The following HECTD4 variants were observed in gnomAD, a reference collection of about 807,000 sequenced individuals.
HECTD4 encodes the protein probable E3 ubiquitin-protein ligase HECTD4.
HECTD4 carries 114 observed loss-of-function variants against 471.5 expected under a neutral mutation model. The ratio of observed to expected loss-of-function variants is 0.24; its 90% CI spans 0.21 to 0.28. The LOEUF (loss-of-function observed/expected upper bound fraction) is 0.28, where lower values mean the gene tolerates loss of function less well. HECTD4 is among the 10% of genes least tolerant of loss of function. The probability of loss-of-function intolerance (pLI) is 1.00; values close to 1 mark genes in which losing one functional copy is unlikely to be tolerated. For missense variants in HECTD4, 3,866 were observed against 5,651.5 expected (o/e 0.68, Z 10.13); for synonymous variants, 2,012 against 2,256.0 (o/e 0.89, Z 3.07).
rs748251023 is a variant in HECTD4 at position 112,163,191 on chromosome 12, A to G, written c.12971T>C (p.Met4324Thr). 1.9e-6 allele frequency: 3 copies of G among 1,613,820 alleles called. No homozygotes were observed. The highest frequency in any genetic ancestry group is 2.5e-6 in the Non-Finnish European group (3 of 1,179,862). The stretch of plus-strand genomic sequence containing the variant: ...CTTGCACAGCTCCTCCTGGGTGAAC[A>G]TCTCCAGGGCCCCCCAGAAGAACTC... Reference protein sequence around the residue: ...HIEFFWGALEMFTQEELCKFI... With the variant: ...HIEFFWGALETFTQEELCKFI... Residue 4324 changes from methionine (M) to threonine (T), a missense_variant, in exon 75 of 76, where the codon ATG (methionine) becomes ACG (threonine). By Grantham distance (81) the Met-to-Thr change is moderately conservative. This residue lies in a region of HECTD4 where 715 missense variants were observed against 1,087.6 expected (regional missense o/e 0.66). Coordinates refer to ENST00000682272, the MANE Select transcript of HECTD4 (RefSeq NM_001388303.1). The surrounding 1 kb of genome is among the most constrained non-coding windows in gnomAD (Gnocchi z 8.2).
chr12:112,357,791 C>G (rs12228322), intron 1 of HECTD4, among the ~76,000 whole-genome samples: 1 of 152,176 alleles, frequency 6.6e-6, no homozygotes, highest in African/African-American at 2.4e-5. Flanking sequence ...TTACAAAATG[C>G]TAATGTATGG....
intron 50 of HECTD4, among the ~76,000 whole-genome samples, chr12:112,208,893 CTTTTTT>C (rs756330403): frequency 2.8e-5 from 2 of 72,456 alleles, no homozygotes; most frequent in African/African-American, 1.2e-4. Context: ...ACTAAACAGG[CTTTTTT>C]TTTTTTTTTT....
At chr12:112,309,808 A>C in intron 4 of HECTD4, 139 bp from the exon 5 acceptor site, 1 of 516,188 alleles carries the variant, frequency 1.9e-6, no homozygotes. Context: ...CTTCAATGTG[A>C]CTTTCAGGGA....
At chr12:112,314,414 G>T in intron 3 of HECTD4, 43 bp downstream of exon 3, 1 of 973,308 alleles carries the variant, frequency 1.0e-6, no homozygotes, top group Non-Finnish European at 1.6e-6. Flanking sequence ...GCACAAATCT[G>T]CCTAGTTTGG....
chr12:112,314,107 C>G (rs1338063096), intron 3 of HECTD4, among the ~76,000 whole-genome samples: 1 of 151,974 alleles, frequency 6.6e-6, no homozygotes, highest in Non-Finnish European at 1.5e-5. Flanking sequence ...GGTGTGATCT[C>G]GACTTACTGT....
chr12:112,195,701 A>C (rs779584765), intron 55 of HECTD4, among the ~76,000 whole-genome samples: 1 of 152,232 alleles, frequency 6.6e-6, no homozygotes, highest in Non-Finnish European at 1.5e-5. Context: ...AACTTTGTGA[A>C]TATAATAAAA....
intron 68 of HECTD4, 43 bp from the exon 69 acceptor site, chr12:112,170,495 C>T (rs999910166): frequency 1.9e-6 from 3 of 1,602,982 alleles, no homozygotes; most frequent in Non-Finnish European, 2.6e-6. Context: ...GGGCTTTGTC[C>T]CTTCCTTCCC....
At chr12:112,187,683 G>A (rs1016995368) in intron 60 of HECTD4, among the ~76,000 whole-genome samples, 9 of 133,048 alleles carry the variant, frequency 6.8e-5, no homozygotes, top group African/African-American at 2.1e-4. Flanking sequence ...CTGGAGTGCC[G>A]TGGTGCCATC....
chr12:112,297,735 T>C (rs1208356884), intron 7 of HECTD4, among the ~76,000 whole-genome samples: 2 of 152,148 alleles, frequency 1.3e-5, no homozygotes, highest in Non-Finnish European at 2.9e-5. Flanking sequence ...AGAAGTCTAA[T>C]ATTCTGTGCA....
chr12:112,259,084 G>T (rs779699991), intron 19 of HECTD4, 28 bp downstream of exon 19: 2 of 1,572,722 alleles, frequency 1.3e-6, no homozygotes, highest in Non-Finnish European at 1.7e-6. Context: ...CCAAAAAGCA[G>T]TTCACTTTGG....
chr12:112,208,122 T>C (rs910879079), intron 51 of HECTD4, 122 bp from the exon 52 acceptor site: 2 of 1,158,972 alleles, frequency 1.7e-6, no homozygotes, highest in African/African-American at 1.6e-5. Flanking sequence ...AATAGAAAGA[T>C]CAGACATAGA....
At chr12:112,334,751 AG>A (rs1271954955) in intron 1 of HECTD4, among the ~76,000 whole-genome samples, 1 of 150,420 alleles carries the variant, frequency 6.6e-6, no homozygotes, top group Non-Finnish European at 1.5e-5. Context: ...GAGAGGTTGC[AG>A]TGAGGAGAGA....
intron 55 of HECTD4, among the ~76,000 whole-genome samples, chr12:112,196,751 T>C (rs756443484): frequency 7.9e-5 from 12 of 152,180 alleles, no homozygotes; most frequent in Non-Finnish European, 1.5e-4. Flanking sequence ...CCACTGCTCC[T>C]AGCTAATTTT....
chr12:112,355,619 G>C (rs1312935002), intron 1 of HECTD4, among the ~76,000 whole-genome samples: 1 of 150,794 alleles, frequency 6.6e-6, no homozygotes, highest in Non-Finnish European at 1.5e-5. Context: ...AATTAGCTGG[G>C]CGTGGTGGCA....
Position 112,164,252 on chromosome 12 carries a change from C to T in HECTD4, c.12558G>A (p.Glu4186=). ...FESINDETEL[E]ALCAEIASQH... ...GGGAGGCGATCTCAGCGCACAGGGC[C>T]TCCAGCTCGGTCTCATCATTGATCT... The change falls in exon 73 of 76, where the codon GAG becomes GAA. Residue 4186 remains glutamate, a synonymous_variant. Coordinates refer to ENST00000682272, the MANE Select transcript of HECTD4 (RefSeq NM_001388303.1). The T allele has an allele frequency of 1.2e-6, 2 of 1,613,432 alleles. No individual in the cohort carries two copies. The highest frequency in any genetic ancestry group is 2.7e-5 in the African/African-American group (2 of 75,046).
Position 112,264,227 on chromosome 12 carries a change from A to G in HECTD4, c.2620-15T>C. On this transcript the variant is annotated splice_polypyrimidine_tract_variant and intron_variant, in intron 16 of 75. Transcript: ENST00000682272. ...GAGGATGCAGCCTTTAATACAAATAAGGGCATTTAAATGATCTAAATCCTA... is the reference window on the plus strand; with the variant it reads ...GAGGATGCAGCCTTTAATACAAATAGGGGCATTTAAATGATCTAAATCCTA... 1 of 1,561,120 alleles carries G rather than the reference A, an allele frequency of 6.4e-7. No homozygotes were observed. The highest frequency in any genetic ancestry group is 8.7e-7 in the Non-Finnish European group (1 of 1,151,302).
intron 55 of HECTD4, among the ~76,000 whole-genome samples, chr12:112,195,911 T>TAGAA (rs2032227685): frequency 6.6e-6 from 1 of 152,230 alleles, no homozygotes; most frequent in Non-Finnish European, 1.5e-5. Context: ...CCTGTAATTC[T>TAGAA]AGCACTTTGG....
intron 49 of HECTD4, among the ~76,000 whole-genome samples, chr12:112,210,648 A>C (rs2032735396): frequency 6.6e-6 from 1 of 152,240 alleles, no homozygotes; most frequent in Non-Finnish European, 1.5e-5. Flanking sequence ...CTCAAGCAGC[A>C]CTTCTTCAGA....
rs550343591 is a variant in HECTD4, at chr12:112,304,024, G to A, written c.1335+2040C>T. 2.0e-5 allele frequency among the ~76,000 whole-genome samples: 3 copies of A among 152,130 alleles called. No homozygotes were observed. The East Asian group carries it at 5.8e-4, about 29-fold the overall frequency. On this transcript the variant is annotated intron_variant, in intron 7 of 75. Coordinates refer to ENST00000682272, the MANE Select transcript of HECTD4 (RefSeq NM_001388303.1). ...ATATAAGCGTTTTACTTAGGGATAT[G>A]AAGGTCACCACCAGAAGAATGTGAT...
Sources: gnomAD v4.1 joint callset for allele counts (sites outside exome capture counted in the v4.1 genomes callset) on GRCh38, gnomAD v4.1.1 for gene constraint, gnomAD v4.1.1 regional missense constraint, Gnocchi (gnomAD v3.1) non-coding constraint, MANE v1.5 for transcripts, NCBI Gene and HGNC (gene_info 2026-07-23, HGNC 2026-07-21) for gene names.